Variants in SENP1 observed in about 807,000 individuals in gnomAD.
SENP1 encodes the protein sentrin-specific protease 1.
In SENP1, 21 loss-of-function variants were observed where a neutral mutation model predicts 93.0. That is an observed-to-expected ratio of 0.23 (90% confidence interval 0.16 to 0.33). The LOEUF is 0.33. Ranked by LOEUF, SENP1 falls within the 10% of genes least tolerant of loss-of-function variation. SENP1 has a pLI of 1.00. For missense variants in SENP1, 591 were observed against 758.7 expected, an observed-to-expected ratio of 0.78 and a Z score of 2.60; for synonymous variants, 256 against 259.6, an observed-to-expected ratio of 0.99 and a Z score of 0.13.
chr12:48,048,892 G>A, intron 14 of SENP1, 37 bp downstream of exon 14: 1 of 1,506,906 alleles, frequency 6.6e-7, no homozygotes, highest in Non-Finnish European at 9.2e-7. Flanking sequence ...TAAGTACATA[G>A]CTTTTACATT....
At chr12:48,074,913 T>G in intron 6 of SENP1, 120 bp from the exon 7 acceptor site, 3 of 676,224 alleles carry the variant, frequency 4.4e-6, no homozygotes, top group Non-Finnish European at 7.5e-6. Context: ...CTTAAGATAA[T>G]TAAGAATTAT....
chr12:48,053,542 ACT>A (rs1370707897), intron 13 of SENP1, among the ~76,000 whole-genome samples: 1 of 151,672 alleles, frequency 6.6e-6, no homozygotes, highest in Non-Finnish European at 1.5e-5. Flanking sequence ...CCAGATTCTG[ACT>A]CTGCAATAAA....
intron 1 of SENP1, among the ~76,000 whole-genome samples, chr12:48,102,880 A>T (rs1235648850): frequency 6.6e-6 from 1 of 151,906 alleles, no homozygotes; most frequent in East Asian, 1.9e-4. Flanking sequence ...CTGATTACCT[A>T]GTCTTGCCAG....
chr12:48,054,572 C>T (rs1199133338), intron 13 of SENP1, among the ~76,000 whole-genome samples: 1 of 152,084 alleles, frequency 6.6e-6, no homozygotes, highest in Non-Finnish European at 1.5e-5. Flanking sequence ...GGTGGGTCAC[C>T]TGAGGTCAGG....
At chr12:48,073,845 T>C (rs1396157859) in intron 8 of SENP1, among the ~76,000 whole-genome samples, 3 of 152,238 alleles carry the variant, frequency 2.0e-5, no homozygotes, top group East Asian at 1.9e-4. Context: ...TATATATACT[T>C]TGACTCTAGC....
rs764539310 is a variant in SENP1 at position 48,098,001 on chromosome 12, T to G, written c.128A>C (p.Asp43Ala). 2.5e-6 allele frequency: 4 copies of G among 1,613,452 alleles called. No individual in the cohort carries two copies. The highest frequency in any genetic ancestry group is 3.4e-6 in the Non-Finnish European group (4 of 1,179,614). ...AAGAAAATTGCTCCTAACCTGCTGG[T>G]CAGAAAGCGAAAGCTGGTCCTCTGG... ...GFPEDQLSLS[D>A]QQILSSRQGH... Residue 43 changes from aspartate to alanine, a missense_variant, in exon 3 of 18, where the codon GAC (aspartate) becomes GCC (alanine). Around this residue, in one of 4 missense-constraint regions of SENP1, gnomAD observed 214 missense variants for 243.4 expected, o/e 0.88. Coordinates refer to ENST00000549518, the MANE Select transcript of SENP1 (RefSeq NM_001267594.2).
chr12:48,102,514 C>A (rs905192536), intron 1 of SENP1, among the ~76,000 whole-genome samples: 1 of 149,586 alleles, frequency 6.7e-6, no homozygotes, highest in Non-Finnish European at 1.5e-5. Flanking sequence ...ATCCTCGGCA[C>A]ATATGGTCTT....
Position 48,065,225 on chromosome 12 carries a change from A to C in SENP1, c.1120-5T>G. 1 of 1,580,248 alleles carries C rather than the reference A, an allele frequency of 6.3e-7. No individual in the cohort carries two copies. Among genetic ancestry groups the C allele is most frequent in the Non-Finnish European group, 8.6e-7 (1 of 1,160,968 alleles). On this transcript the variant is annotated splice_polypyrimidine_tract_variant and splice_region_variant and intron_variant, in intron 11 of 17. Coordinates refer to ENST00000549518, the MANE Select transcript of SENP1 (RefSeq NM_001267594.2). Reference sequence around the variant, plus strand: ...ATGTTCCCGCTCCTGCAATCTCTGAAAGATAAAACTTCAGAGTAAGTGGGA... The same window carrying C: ...ATGTTCCCGCTCCTGCAATCTCTGACAGATAAAACTTCAGAGTAAGTGGGA...
chr12:48,047,118 C>A, intron 15 of SENP1, 56 bp from the exon 16 acceptor site: 1 of 1,095,782 alleles, frequency 9.1e-7, no homozygotes, highest in Non-Finnish European at 1.4e-6. Flanking sequence ...TGACAGCTGC[C>A]ACACTAAGAA....
At position 48,066,969 on chromosome 12, in the gene SENP1, T is replaced by C. The variant is rs1565763398; in HGVS notation, c.996-4A>G. Reference sequence around the variant, plus strand: ...CTCTGCCTGGAAGAAAGTAGAACTATGGGTAGGAAAAGAAAAATTTGACAA... The same window carrying C: ...CTCTGCCTGGAAGAAAGTAGAACTACGGGTAGGAAAAGAAAAATTTGACAA... On this transcript the variant is annotated splice_region_variant and splice_polypyrimidine_tract_variant and intron_variant, in intron 9 of 17. Coordinates refer to ENST00000549518, the MANE Select transcript of SENP1 (RefSeq NM_001267594.2). 5 of 1,555,130 alleles carry C rather than the reference T, an allele frequency of 3.2e-6. No homozygotes were observed. The highest frequency in any genetic ancestry group is 2.4e-5 in the South Asian group (2 of 83,496).
chr12:48,072,434 A>G (rs1010612732), intron 8 of SENP1, among the ~76,000 whole-genome samples: 1 of 152,212 alleles, frequency 6.6e-6, no homozygotes, highest in Non-Finnish European at 1.5e-5. Context: ...CCTGGCCAAC[A>G]TGGTGAAACC....
intron 2 of SENP1, among the ~76,000 whole-genome samples, chr12:48,099,631 C>A (rs149703836): frequency 3.9e-4 from 60 of 152,236 alleles, no homozygotes; most frequent in African/African-American, 1.4e-3. Context: ...ACCAGCCTGG[C>A]TAACATGGCA....
rs374625474 is a variant in SENP1, at chr12:48,098,126, T to G, written c.5-2A>C. The G allele has an allele frequency of 6.2e-7, 1 of 1,612,930 alleles. No individual in the cohort carries two copies. Among genetic ancestry groups the G allele is most frequent in the Non-Finnish European group, 8.5e-7 (1 of 1,179,270 alleles). On this transcript the variant is annotated splice_acceptor_variant, in intron 2 of 17. Transcript: ENST00000549518. LOFTEE classifies it high-confidence loss of function. ...TCCTCATCCTATCAGCAATATCATCTGGGGAGACAGTCTGGATTAGTTCAA... is the reference window on the plus strand; with the variant it reads ...TCCTCATCCTATCAGCAATATCATCGGGGGAGACAGTCTGGATTAGTTCAA...
chr12:48,102,824 A>T (rs1946048187), intron 1 of SENP1, among the ~76,000 whole-genome samples: 2 of 152,048 alleles, frequency 1.3e-5, no homozygotes, highest in Non-Finnish European at 2.9e-5. Context: ...AAAAAAAAAA[A>T]AAAAAAGTTT....
intron 13 of SENP1, among the ~76,000 whole-genome samples, chr12:48,058,603 A>G (rs1942745994): frequency 6.6e-6 from 1 of 152,132 alleles, no homozygotes; most frequent in African/African-American, 2.4e-5. Context: ...ATCTTCCAAC[A>G]GTATATTTGT....
intron 2 of SENP1, 100 bp from the exon 3 acceptor site, chr12:48,098,224 G>C (rs1945692601): frequency 2.4e-6 from 3 of 1,239,118 alleles, no homozygotes; most frequent in Admixed American, 2.3e-5. Flanking sequence ...TCCCACCCAG[G>C]CATGGTGTCT....
chr12:48,066,371 CTATTA>C (rs1734010383), intron 10 of SENP1, among the ~76,000 whole-genome samples: 1 of 152,118 alleles, frequency 6.6e-6, no homozygotes, highest in Non-Finnish European at 1.5e-5. Context: ...TTTATTTTCC[CTATTA>C]TATAATAGCT....
At chr12:48,104,901 G>C (rs546717226) in intron 1 of SENP1, among the ~76,000 whole-genome samples, 4 of 152,278 alleles carry the variant, frequency 2.6e-5, no homozygotes, top group Admixed American at 1.3e-4. Flanking sequence ...CTTCCTAAAA[G>C]GGACTAGAGA....
intron 4 of SENP1, among the ~76,000 whole-genome samples, chr12:48,090,168 T>C (rs1415520409): frequency 6.6e-6 from 1 of 152,248 alleles, no homozygotes; most frequent in Non-Finnish European, 1.5e-5. Context: ...ATGCTTAGCA[T>C]CTATTACTAT....
Sources: gnomAD v4.1 joint callset for allele counts (sites outside exome capture counted in the v4.1 genomes callset) on GRCh38, gnomAD v4.1.1 for gene constraint, gnomAD v4.1.1 regional missense constraint, MANE v1.5 for transcripts, NCBI Gene and HGNC (gene_info 2026-07-23, HGNC 2026-07-21) for gene names.